PCDHA5: variants seen among roughly 807,000 people sequenced by gnomAD.
PCDHA5 encodes the protein protocadherin alpha 5, also known as protocadherin alpha-5.
In PCDHA5, 43 loss-of-function variants were observed where a neutral mutation model predicts 61.6. The observed-to-expected ratio is 0.70, with a 90% CI of 0.55 to 0.90. PCDHA5 has a LOEUF of 0.90. PCDHA5 is among the 40% of genes least tolerant of loss of function. PCDHA5 has a pLI of 0.00. For synonymous variants in PCDHA5, 627 were observed against 543.9 expected, an observed-to-expected ratio of 1.15 and a Z score of -2.13; for missense variants, 1,298 against 1,222.7, an observed-to-expected ratio of 1.06 and a Z score of -0.92.
intron 1 of PCDHA5, among the ~76,000 whole-genome samples, chr5:140,953,756 G>C (rs2094932328): frequency 6.6e-6 from 1 of 152,208 alleles, no homozygotes; most frequent in South Asian, 2.1e-4. Context: ...ATTTATCCAA[G>C]AATTAAATTT....
At chr5:140,972,729 T>G (rs574244702) in intron 1 of PCDHA5, among the ~76,000 whole-genome samples, 47 of 147,600 alleles carry the variant, frequency 3.2e-4, no homozygotes, top group African/African-American at 1.1e-3. Context: ...AGTGGCGTAA[T>G]CCCGGCTCAC....
At chr5:140,837,760 T>C (rs1554136627) in intron 1 of PCDHA5, among the ~76,000 whole-genome samples, 1 of 151,798 alleles carries the variant, frequency 6.6e-6, no homozygotes, top group African/African-American at 2.4e-5. Context: ...CACTGCAACC[T>C]GAAAGTCCTG....
chr5:140,877,310 C>A, intron 1 of PCDHA5: 2 of 1,613,938 alleles, frequency 1.2e-6, no homozygotes, highest in Non-Finnish European at 1.7e-6. Context: ...GAGTTGCAAC[C>A]GGCGGCGGTC....
chr5:140,842,695 C>T, intron 1 of PCDHA5: 1 of 1,595,194 alleles, frequency 6.3e-7, no homozygotes, highest in Non-Finnish European at 8.6e-7. Context: ...TCGCGCAGCC[C>T]GAGTACACGG....
At chr5:140,887,256 C>T (rs1554182988) in intron 1 of PCDHA5, among the ~76,000 whole-genome samples, 1 of 152,002 alleles carries the variant, frequency 6.6e-6, no homozygotes, top group African/African-American at 2.4e-5. Context: ...GCCACCACGC[C>T]CTGCTAATTT....
chr5:140,838,331 C>G (rs1343104365), intron 1 of PCDHA5, among the ~76,000 whole-genome samples: 1 of 149,420 alleles, frequency 6.7e-6, no homozygotes, highest in Admixed American at 6.6e-5. Flanking sequence ...ACCATGTTGC[C>G]CCGGCTGGTC....
At chr5:140,921,437 G>A (rs2080219286) in intron 1 of PCDHA5, among the ~76,000 whole-genome samples, 1 of 151,992 alleles carries the variant, frequency 6.6e-6, no homozygotes, top group South Asian at 2.1e-4. Context: ...TTTCTTCAAT[G>A]GTGTCTGAAA....
intron 1 of PCDHA5, among the ~76,000 whole-genome samples, chr5:140,954,686 G>T (rs962904413): frequency 6.6e-6 from 1 of 152,024 alleles, no homozygotes; most frequent in African/African-American, 2.4e-5. Context: ...TTGTCAGATG[G>T]ATAGACTACA....
chr5:140,829,210 C>G (rs375156998), intron 1 of PCDHA5: 3 of 1,614,110 alleles, frequency 1.9e-6, no homozygotes, highest in Non-Finnish European at 2.5e-6. Context: ...CCCTAATTAG[C>G]GTGAACGACC....
intron 1 of PCDHA5, chr5:140,966,954 G>T (rs782541612): frequency 6.2e-7 from 1 of 1,601,606 alleles, no homozygotes; most frequent in Non-Finnish European, 8.5e-7. Flanking sequence ...AACGTGGCTC[G>T]CGCGCTGGGG....
Position 140,916,977 on chromosome 5 carries a change from T to A in PCDHA5, c.2353-61972T>A, listed in dbSNP as rs569550595. Among the ~76,000 whole-genome samples the A allele has an allele frequency of 2.6e-5, 4 of 152,302 alleles. No individual in the cohort carries two copies. In the South Asian group the frequency reaches 8.3e-4, roughly 32 times the overall value. On this transcript the variant is annotated intron_variant, in intron 1 of 3. Transcript: ENST00000529859. ...AGTTCTGACTGCTGGGATGAGTGAT[T>A]CGCCTCTGGCCAGGCCTGTTCCAAA...
intron 3 of PCDHA5, among the ~76,000 whole-genome samples, chr5:140,983,261 CT>C (rs1240749572): frequency 7.9e-5 from 12 of 152,158 alleles, no homozygotes; most frequent in Admixed American, 7.9e-4. Context: ...TGTAAAAAAC[CT>C]AATGGCTGGG....
At chr5:140,851,029 C>G (rs1554145203) in intron 1 of PCDHA5, 3 of 1,410,832 alleles carry the variant, frequency 2.1e-6, no homozygotes, top group African/African-American at 2.9e-5. Context: ...AAGTAAACCC[C>G]TTAACATTGG....
At chr5:140,874,174 G>A (rs2054753797) in intron 1 of PCDHA5, among the ~76,000 whole-genome samples, 1 of 152,292 alleles carries the variant, frequency 6.6e-6, no homozygotes, top group East Asian at 1.9e-4. Context: ...CTTTCCTGGT[G>A]TTGTAAAGGT....
chr5:140,835,793 G>C, intron 1 of PCDHA5: 1 of 1,613,102 alleles, frequency 6.2e-7, no homozygotes, highest in Non-Finnish European at 8.5e-7. Context: ...ACAACCCGCC[G>C]GGCTGCCACA....
chr5:140,995,102 C>A (rs976806158), intron 3 of PCDHA5, among the ~76,000 whole-genome samples: 3 of 152,312 alleles, frequency 2.0e-5, no homozygotes, highest in Middle Eastern at 6.8e-3. Context: ...GAGATACATT[C>A]CAAGACCCTC....
intron 1 of PCDHA5, chr5:140,857,341 G>C (rs782659858): frequency 1.3e-6 from 2 of 1,598,438 alleles, no homozygotes; most frequent in Non-Finnish European, 1.7e-6. Context: ...ACGGGGGCTC[G>C]CCTCCGCTGT....
chr5:140,886,492 C>A (rs2060999452), intron 1 of PCDHA5, among the ~76,000 whole-genome samples: 1 of 152,036 alleles, frequency 6.6e-6, no homozygotes, highest in Non-Finnish European at 1.5e-5. Flanking sequence ...TAAAATATAT[C>A]TTTTTCCTTT....
chr5:140,858,072 C>T, intron 1 of PCDHA5: 1 of 1,597,752 alleles, frequency 6.3e-7, no homozygotes, highest in Non-Finnish European at 8.6e-7. Context: ...AGCCAGGCAC[C>T]CAAGGCCTCG....
Sources: gnomAD v4.1 joint callset for allele counts (sites outside exome capture counted in the v4.1 genomes callset) on GRCh38, gnomAD v4.1.1 for gene constraint, MANE v1.5 for transcripts, NCBI Gene and HGNC (gene_info 2026-07-23, HGNC 2026-07-21) for gene names.